Variants in HDAC4 observed in about 807,000 individuals in gnomAD.
The protein encoded by HDAC4 is histone deacetylase 4, also known as histone deacetylase A.
In HDAC4, 16 loss-of-function variants were observed where a neutral mutation model predicts 135.1. The ratio of observed to expected loss-of-function variants is 0.12; its 90% CI spans 0.08 to 0.18. The LOEUF (loss-of-function observed/expected upper bound fraction) is 0.18. HDAC4 is among the 10% of genes least tolerant of loss of function. The pLI, the probability that HDAC4 is intolerant of heterozygous loss-of-function variation, is 1.00. For synonymous variants in HDAC4, 685 were observed against 653.4 expected, an observed-to-expected ratio of 1.05 and a Z score of -0.74; for missense variants, 1,143 against 1,511.8, an observed-to-expected ratio of 0.76 and a Z score of 4.05.
intron 7 of HDAC4, among the ~76,000 whole-genome samples, chr2:239,153,170 C>T (rs972077964): frequency 9.9e-5 from 15 of 152,144 alleles, no homozygotes; most frequent in African/African-American, 3.4e-4. Flanking sequence ...CTGGTACAGG[C>T]GTTACCTGTC....
At chr2:239,358,996 T>C (rs2125950866) in intron 1 of HDAC4, among the ~76,000 whole-genome samples, 1 of 152,320 alleles carries the variant, frequency 6.6e-6, no homozygotes, top group African/African-American at 2.4e-5. Context: ...CATGTTGAGT[T>C]CCCCACATAC....
intron 5 of HDAC4, among the ~76,000 whole-genome samples, chr2:239,175,591 C>G (rs533609645): frequency 1.3e-5 from 2 of 152,232 alleles, no homozygotes; most frequent in East Asian, 3.8e-4. Flanking sequence ...ACAGCCCCCA[C>G]AGAAGGCAAA....
At chr2:239,118,536 C>T (rs375143810) in intron 12 of HDAC4, among the ~76,000 whole-genome samples, 20 of 152,064 alleles carry the variant, frequency 1.3e-4, no homozygotes, top group Admixed American at 1.1e-3. Flanking sequence ...GTGAGCGTGC[C>T]GTTGGGAGAG....
intron 3 of HDAC4, among the ~76,000 whole-genome samples, chr2:239,224,811 C>T (rs1234431941): frequency 6.6e-6 from 1 of 152,228 alleles, no homozygotes; most frequent in African/African-American, 2.4e-5. Context: ...ATCCCCAGTC[C>T]TTGACTGCTC....
chr2:239,070,219 C>A (rs1334046586), intron 22 of HDAC4, among the ~76,000 whole-genome samples: 1 of 152,206 alleles, frequency 6.6e-6, no homozygotes, highest in Non-Finnish European at 1.5e-5. Context: ...CCTTACTCAC[C>A]CTGGAACACC....
In HDAC4 at chr2:239,152,172, G is replaced by A. The variant is rs570036854; in HGVS notation, c.733+4480C>T. On this transcript the variant is annotated intron_variant, in intron 7 of 26. Coordinates refer to ENST00000543185, the MANE Select transcript of HDAC4 (RefSeq NM_001378414.1). ...CAAAACGTTGCTTGCTTTTAAAAGT[G>A]GAAAAGCCTCCATTCCTCAGCGTGA... 8.5e-5 allele frequency among the ~76,000 whole-genome samples: 13 copies of A among 152,302 alleles called. No homozygotes were observed. The East Asian group carries it at 2.1e-3, about 25-fold the overall frequency.
intron 15 of HDAC4, among the ~76,000 whole-genome samples, chr2:239,104,210 C>T (rs754391292): frequency 9.9e-5 from 15 of 152,128 alleles, no homozygotes; most frequent in Non-Finnish European, 4.4e-5. Flanking sequence ...CCCTGGGCGG[C>T]TGCGGGGGCT....
intron 4 of HDAC4, among the ~76,000 whole-genome samples, chr2:239,188,227 C>T (rs556326895): frequency 1.3e-5 from 2 of 152,330 alleles, no homozygotes; most frequent in East Asian, 3.9e-4. Context: ...TCCTCCAGGG[C>T]CAGCCCAGCT....
chr2:239,121,558 T>C (rs114349086), intron 12 of HDAC4, among the ~76,000 whole-genome samples: 3,102 of 152,344 alleles, frequency 0.02, 89 homozygotes, highest in African/African-American at 0.066. Context: ...ATCTCTTTAG[T>C]GTCCTTTAGT....
chr2:239,311,418 G>C (rs762893460), intron 2 of HDAC4, among the ~76,000 whole-genome samples: 1 of 152,194 alleles, frequency 6.6e-6, no homozygotes, highest in Non-Finnish European at 1.5e-5. Flanking sequence ...CTCAGCCGGC[G>C]TCAGCTGTTC....
At chr2:239,215,256 C>T (rs2046569338) in intron 3 of HDAC4, among the ~76,000 whole-genome samples, 1 of 152,144 alleles carries the variant, frequency 6.6e-6, no homozygotes, top group Non-Finnish European at 1.5e-5. Context: ...GGGAAGGTAC[C>T]AGGAGCATGT....
intron 8 of HDAC4, among the ~76,000 whole-genome samples, chr2:239,144,173 T>C (rs1288395829): frequency 6.6e-6 from 1 of 152,182 alleles, no homozygotes; most frequent in African/African-American, 2.4e-5. Context: ...GACGTTAAAA[T>C]GCCCCGGTGG....
At chr2:239,160,672 C>T (rs555119031) in intron 6 of HDAC4, among the ~76,000 whole-genome samples, 1 of 152,322 alleles carries the variant, frequency 6.6e-6, no homozygotes, top group South Asian at 2.1e-4. Flanking sequence ...AGTAGCAGTG[C>T]AGGGGCCCCA....
At chr2:239,124,553 C>G (rs1337167750) in intron 12 of HDAC4, among the ~76,000 whole-genome samples, 1 of 141,390 alleles carries the variant, frequency 7.1e-6, no homozygotes, top group Non-Finnish European at 1.5e-5. Context: ...CGTCATTCCA[C>G]GTTATATGAC....
intron 1 of HDAC4, among the ~76,000 whole-genome samples, chr2:239,378,017 C>T (rs1182816036): frequency 6.6e-6 from 1 of 152,190 alleles, no homozygotes; most frequent in Non-Finnish European, 1.5e-5. Flanking sequence ...CATTGTCCTC[C>T]AGGGGAGACG....
chr2:239,267,212 G>A (rs535888085), intron 2 of HDAC4, among the ~76,000 whole-genome samples: 1 of 152,338 alleles, frequency 6.6e-6, no homozygotes, highest in African/African-American at 2.4e-5. Context: ...ATCTAGGGCA[G>A]TGCCCGGCCC....
chr2:239,326,918 C>G (rs75886743), intron 2 of HDAC4, among the ~76,000 whole-genome samples: 5,295 of 152,300 alleles, frequency 0.035, 311 homozygotes, highest in African/African-American at 0.12. Flanking sequence ...GAGGTCACCC[C>G]TGTCATACTG....
At chr2:239,152,217 G>A (rs1448716504) in intron 7 of HDAC4, among the ~76,000 whole-genome samples, 1 of 152,240 alleles carries the variant, frequency 6.6e-6, no homozygotes, top group Non-Finnish European at 1.5e-5. Flanking sequence ...CAAAGGCTCT[G>A]TTTAAATGCA....
chr2:239,267,512 A>G (rs552006564), intron 2 of HDAC4, among the ~76,000 whole-genome samples: 17 of 152,290 alleles, frequency 1.1e-4, no homozygotes, highest in Admixed American at 7.2e-4. Flanking sequence ...AAAATCTACA[A>G]CTGTTCCCGG....
Sources: allele counts gnomAD v4.1 joint callset (sites outside exome capture counted in the v4.1 genomes callset), GRCh38; gene constraint gnomAD v4.1.1; transcripts MANE v1.5; gene names NCBI Gene and HGNC (gene_info 2026-07-23, HGNC 2026-07-21).